B3GALT1: variants seen among roughly 807,000 people sequenced by gnomAD.
The protein encoded by B3GALT1 is beta-1,3-galactosyltransferase 1, also known as UDP-Gal:betaGlcNAc beta 1,3-galactosyltransferase, polypeptide 1.
Under a neutral mutation model 23.2 loss-of-function variants are expected in B3GALT1, and 10 were observed. That is an observed-to-expected ratio of 0.43 (90% CI 0.27 to 0.73). The LOEUF (loss-of-function observed/expected upper bound fraction) is 0.73, where lower values mean the gene tolerates loss of function less well. Ranked by LOEUF, B3GALT1 falls within the 30% of genes least tolerant of loss-of-function variation. The pLI is 0.21. For synonymous variants in B3GALT1, 156 were observed against 141.5 expected (o/e 1.10, Z -0.73); for missense variants, 299 against 405.4 (o/e 0.74, Z 2.25).
chr2:167,550,198 A>G (rs1349576608), intron 2 of B3GALT1, among the ~76,000 whole-genome samples: 2 of 152,262 alleles, frequency 1.3e-5, no homozygotes, highest in Admixed American at 1.3e-4. Context: ...TATGCAAGCT[A>G]ATCTCAGATA....
rs535854882 is a variant in B3GALT1, at chr2:167,752,223, C to T, written c.-351-66449C>T. Among the ~76,000 whole-genome samples the T allele has an allele frequency of 1.7e-4, 26 of 152,044 alleles. 1 individual carries two copies. The East Asian group carries it at 4.3e-3, about 25-fold the overall frequency. ...AGCTATTATGCACAGTAGACACTTC[C>T]GGTTAAGATGAGTTAGAGTGATGTA... On this transcript the variant is annotated intron_variant, in intron 3 of 4. Transcript: ENST00000392690.
intron 2 of B3GALT1, among the ~76,000 whole-genome samples, chr2:167,598,352 G>A (rs2105421708): frequency 6.6e-6 from 1 of 152,064 alleles, no homozygotes; most frequent in South Asian, 2.1e-4. Context: ...GAATATATTT[G>A]TTTTAATATC....
At position 167,850,531 on chromosome 2, in the gene B3GALT1, A is replaced by G. The variant is rs546162611; in HGVS notation, c.-229-18280A>G. ...AGTAGAACTACCATTTGATCCAGCA[A>G]TTCTACTACTGGATATCTACCCAGA... On this transcript the variant is annotated intron_variant, in intron 4 of 4. Transcript: ENST00000392690. Among the ~76,000 whole-genome samples, 26 of 152,338 alleles carry G rather than the reference A, an allele frequency of 1.7e-4. 1 individual carries two copies. The highest frequency in any genetic ancestry group is 1.7e-3 in the South Asian group (8 of 4,826).
At chr2:167,507,030 A>G (rs1295494824) in intron 2 of B3GALT1, among the ~76,000 whole-genome samples, 1 of 152,212 alleles carries the variant, frequency 6.6e-6, no homozygotes, top group Admixed American at 6.5e-5. Flanking sequence ...GTTGAAGGGC[A>G]TGATTATAGT....
intron 3 of B3GALT1, among the ~76,000 whole-genome samples, chr2:167,658,172 C>A (rs1446472366): frequency 6.6e-6 from 1 of 152,022 alleles, no homozygotes; most frequent in Non-Finnish European, 1.5e-5. Context: ...AGGGCTCCTG[C>A]ACTTGTAAGG....
At chr2:167,519,561 AC>A (rs1700156932) in intron 2 of B3GALT1, among the ~76,000 whole-genome samples, 1 of 152,058 alleles carries the variant, frequency 6.6e-6, no homozygotes, top group Admixed American at 6.6e-5. Flanking sequence ...AAAAAACTCA[AC>A]CTGTTTTTAG....
chr2:167,616,694 C>CAATAAATAAATAAATA lies in B3GALT1; in HGVS notation c.-409-30205_-409-30190dup, dbSNP rs547824482. 2.1e-3 allele frequency among the ~76,000 whole-genome samples: 315 copies of CAATAAATAAATAAATA among 151,580 alleles called. 1 individual carries two copies. The highest frequency in any genetic ancestry group is 7.4e-3 in the African/African-American group (307 of 41,338). ...TGGGTGATAGAGCAAGACCCTGTCT[C>CAATAAATAAATAAATA]AATAAATAAATAAATAAATAAATAA... On this transcript the variant is annotated intron_variant, in intron 2 of 4. Transcript: ENST00000392690.
chr2:167,650,640 C>T (rs1003980177), intron 3 of B3GALT1, among the ~76,000 whole-genome samples: 1 of 152,012 alleles, frequency 6.6e-6, no homozygotes, highest in Non-Finnish European at 1.5e-5. Flanking sequence ...TCAGTGAAGA[C>T]ATCTGGTCAG....
intron 3 of B3GALT1, among the ~76,000 whole-genome samples, chr2:167,647,791 A>T (rs1685774580): frequency 6.6e-6 from 1 of 151,706 alleles, no homozygotes; most frequent in Non-Finnish European, 1.5e-5. Context: ...TTATTTTTTA[A>T]ATTTTATGGG....
chr2:167,826,449 C>A (rs1689231073), intron 4 of B3GALT1, among the ~76,000 whole-genome samples: 1 of 152,174 alleles, frequency 6.6e-6, no homozygotes, highest in African/African-American at 2.4e-5. Context: ...AGACTCAATT[C>A]CCTGCACATT....
In B3GALT1 at chr2:167,344,765, G is replaced by A. The variant is rs572964450; in HGVS notation, c.-511+51431G>A. Among the ~76,000 whole-genome samples, 3 of 152,122 alleles carry A rather than the reference G, an allele frequency of 2.0e-5. 1 individual carries two copies. Among genetic ancestry groups the A allele is most frequent in the African/African-American group, 7.2e-5 (3 of 41,510 alleles). On this transcript the variant is annotated intron_variant, in intron 1 of 4. Coordinates refer to ENST00000392690, the MANE Select transcript of B3GALT1 (RefSeq NM_020981.4). The stretch of plus-strand genomic sequence containing the variant: ...CAAAAGTTTACATCTCATCCCATTT[G>A]GTAAAAAATACAAATGAAGTTCAGA...
Position 167,784,245 on chromosome 2 carries a change from G to A in B3GALT1, c.-351-34427G>A, listed in dbSNP as rs112767115. ...CTGCATCTGCAGATTGCTGGCTTCC[G>A]ATTACCAGGAGATGTGCACCCCTGC... On this transcript the variant is annotated intron_variant, in intron 3 of 4. Coordinates refer to ENST00000392690, the MANE Select transcript of B3GALT1 (RefSeq NM_020981.4). 4.9e-3 allele frequency among the ~76,000 whole-genome samples: 746 copies of A among 152,258 alleles called. 10 individuals are homozygous for A. Among genetic ancestry groups the A allele is most frequent in the African/African-American group, 0.017 (694 of 41,556 alleles).
At chr2:167,402,305 T>TA (rs531521504) in intron 1 of B3GALT1, among the ~76,000 whole-genome samples, 1 of 152,184 alleles carries the variant, frequency 6.6e-6, no homozygotes. Flanking sequence ...ATATTTCTAA[T>TA]AAAAAAAGTT....
chr2:167,651,786 G>A (rs1362590190), intron 3 of B3GALT1, among the ~76,000 whole-genome samples: 3 of 152,072 alleles, frequency 2.0e-5, no homozygotes, highest in Non-Finnish European at 4.4e-5. Flanking sequence ...ACATACCCTT[G>A]GAAGTTAAAT....
intron 1 of B3GALT1, among the ~76,000 whole-genome samples, chr2:167,437,658 C>T (rs757886001): frequency 8.5e-5 from 13 of 152,174 alleles, no homozygotes; most frequent in Non-Finnish European, 1.3e-4. Context: ...CTCATCTGTT[C>T]AAACAGCTTA....
chr2:167,499,394 A>G (rs1574105327), intron 2 of B3GALT1, among the ~76,000 whole-genome samples: 1 of 152,260 alleles, frequency 6.6e-6, no homozygotes, highest in South Asian at 2.1e-4. Flanking sequence ...TTGGAAGGGA[A>G]AAAATGTCAG....
intron 1 of B3GALT1, among the ~76,000 whole-genome samples, chr2:167,410,052 A>T (rs192234519): frequency 9.6e-4 from 146 of 152,312 alleles, no homozygotes; most frequent in African/African-American, 3.4e-3. Context: ...GATAGACTGG[A>T]TGAAGAAAAT....
At chr2:167,511,860 C>A (rs928134549) in intron 2 of B3GALT1, among the ~76,000 whole-genome samples, 1 of 152,038 alleles carries the variant, frequency 6.6e-6, no homozygotes, top group Non-Finnish European at 1.5e-5. Flanking sequence ...ATATAAAGAA[C>A]ATTTTTGGGC....
chr2:167,424,020 A>G (rs1351270962), intron 1 of B3GALT1, among the ~76,000 whole-genome samples: 2 of 152,212 alleles, frequency 1.3e-5, no homozygotes, highest in Non-Finnish European at 2.9e-5. Flanking sequence ...AGAGATACAC[A>G]CAAAGTATCA....
Sources: allele counts gnomAD v4.1 joint callset (sites outside exome capture counted in the v4.1 genomes callset), GRCh38; gene constraint gnomAD v4.1.1; transcripts MANE v1.5; gene names NCBI Gene and HGNC (gene_info 2026-07-23, HGNC 2026-07-21).